The following ARX variants were observed in gnomAD, a reference collection of about 807,000 sequenced individuals.
ARX encodes the protein homeobox protein ARX.
A neutral mutation model predicts 23.1 loss-of-function variants in ARX; 1 was observed. The observed-to-expected ratio is 0.04, with a 90% CI of 0.02 to 0.21. The LOEUF is 0.21. Among genes scored for constraint, ARX ranks in the 10% least tolerant of loss-of-function variants. The probability of loss-of-function intolerance (pLI) is 1.00; values close to 1 mark genes in which losing one functional copy is unlikely to be tolerated. For synonymous variants in ARX, 301 were observed against 270.1 expected, an observed-to-expected ratio of 1.11 and a Z score of -1.12; for missense variants, 380 against 527.5, an observed-to-expected ratio of 0.72 and a Z score of 2.74.
At position 25,013,780 on chromosome X, in the gene ARX, C is replaced by G. The variant is rs1556056580; in HGVS notation, c.215G>C (p.Ser72Thr). 1.9e-5 allele frequency: 18 copies of G among 929,318 alleles called. 1 individual carries two copies. In the Admixed American group the frequency reaches 9.9e-4, roughly 51 times the overall value. 76.6% of individuals were successfully genotyped at this position (929,318 alleles called of 1,213,427 possible). A position where few individuals can be genotyped will look rare whatever the true frequency, so the allele number is the denominator to read the frequency against. Reference protein sequence around the residue: ...KAVQGSPKSSSAPFEAELHLP... With the variant: ...KAVQGSPKSSTAPFEAELHLP... Reference sequence around the variant, plus strand: ...GTGCAGCTCGGCCTCGAACGGGGCGCTGCTGCTCTTAGGGGAGCCTGCGGG... The same window carrying G: ...GTGCAGCTCGGCCTCGAACGGGGCGGTGCTGCTCTTAGGGGAGCCTGCGGG... Residue 72 changes from serine (S) to threonine (T), a missense_variant, in exon 2 of 5, where the codon AGC becomes ACC. By Grantham distance (58) the Ser-to-Thr change is moderately conservative. Coordinates refer to ENST00000379044, the MANE Select transcript of ARX (RefSeq NM_139058.3).
chrX:25,015,912 C>A lies in ARX; in HGVS notation c.-175G>T. 1 of 533,490 alleles carries A rather than the reference C, an allele frequency of 1.9e-6. No individual in the cohort carries two copies. 44.0% of individuals were successfully genotyped at this position (533,490 alleles called of 1,213,427 possible). A position where few individuals can be genotyped will look rare whatever the true frequency, so the allele number is the denominator to read the frequency against. ...TGCCGGCTGCCGGCTCCCGCCCTGC[C>A]CGCGGCCCGAGCTCGCCCTCTCCGC... On this transcript the variant is annotated 5_prime_UTR_variant, in exon 1 of 5. Transcript: ENST00000379044.
rs2048667549 is a variant in ARX at position 25,004,445 on chromosome X, T to C, written c.*225A>G. 1 of 480,012 alleles carries C rather than the reference T, an allele frequency of 2.1e-6. No homozygotes were observed. The highest frequency in any genetic ancestry group is 3.4e-6 in the Non-Finnish European group (1 of 295,161). The allele number at this position is 480,012 out of a possible 1,213,427, so 39.6% of individuals were successfully genotyped here. On this transcript the variant is annotated 3_prime_UTR_variant, in exon 5 of 5. Coordinates refer to ENST00000379044, the MANE Select transcript of ARX (RefSeq NM_139058.3). ...GTTGGAGTTGGAGCGAGGTTGGCAG[T>C]AGCAGGGGCAGGGGCAGGGGCGGGT...
At chrX:25,010,193 C>CCA in intron 3 of ARX, 67 bp downstream of exon 3, 1 of 1,104,490 alleles carries the variant, frequency 9.1e-7, no homozygotes, top group Non-Finnish European at 1.2e-6. Context: ...CGCCACCAAC[C>CCA]CATCTCTCTC....
Position 25,004,841 on chromosome X carries a change from G to A in ARX, c.1518C>T (p.Pro506=). The stretch of plus-strand genomic sequence containing the variant: ...CCGATGCCACTGCGCCCTCCACGGC[G>A]GGTGTGGGCTGTCTCAGGAGCGCGG... ...TAAALLRQPT[P]AVEGAVASGA... The change falls in exon 5 of 5, where the codon CCC becomes CCT. Residue 506 remains proline (P), a synonymous_variant. Coordinates refer to ENST00000379044, the MANE Select transcript of ARX (RefSeq NM_139058.3). The A allele has an allele frequency of 8.6e-7, 1 of 1,168,392 alleles. No individual in the cohort carries two copies. Among genetic ancestry groups the A allele is most frequent in the Non-Finnish European group, 1.1e-6 (1 of 873,762 alleles).
Position 25,015,686 on chromosome X carries a change from T to C in ARX, c.52A>G (p.Ser18Gly). Reference protein sequence around the residue: ...EGCSERPECKSKSPTLLSSYC... With the variant: ...EGCSERPECKGKSPTLLSSYC... ...GAGGAGAGCAAAGTTGGAGATTTAC[T>C]TTTGCACTCGGGCCTCTCGGAGCAG... Residue 18 changes from serine to glycine, a missense_variant, in exon 1 of 5, where the codon AGT (serine) becomes GGT (glycine). By Grantham distance (56) the Ser-to-Gly change is moderately conservative. Coordinates refer to ENST00000379044, the MANE Select transcript of ARX (RefSeq NM_139058.3). The C allele has an allele frequency of 8.3e-7, 1 of 1,206,246 alleles. No homozygotes were observed. The highest frequency in any genetic ancestry group is 2.3e-4 in the Middle Eastern group (1 of 4,347).
Position 25,015,821 on chromosome X carries a change from G to T in ARX, c.-84C>A, listed in dbSNP as rs1297664217. 8 of 985,888 alleles carry T rather than the reference G, an allele frequency of 8.1e-6. No individual in the cohort carries two copies. Among genetic ancestry groups the T allele is most frequent in the Non-Finnish European group, 1.1e-5 (8 of 708,377 alleles). The allele number at this position is 985,888 out of a possible 1,213,427, so 81.2% of individuals were successfully genotyped here. ...TGGGATGGATGGGTGTGTGTTGGGG[G>T]TGGGGTTAGATAGCGGGTTATAACG... On this transcript the variant is annotated 5_prime_UTR_variant, in exon 1 of 5. Transcript: ENST00000379044.
At chrX:25,006,616 G>C (rs1195599870) in intron 4 of ARX, 1 of 111,860 alleles carries the variant, frequency 8.9e-6, no homozygotes, top group Non-Finnish European at 1.9e-5. Flanking sequence ...TGAGTGACAA[G>C]GAAGATGGAG....
intron 4 of ARX, among the ~76,000 whole-genome samples, chrX:25,005,453 A>G (rs1199173348): frequency 8.9e-6 from 1 of 112,430 alleles, no homozygotes; most frequent in Non-Finnish European, 1.9e-5. Context: ...TGCGCCCTGA[A>G]GAAACAGGCC....
intron 1 of ARX, 123 bp downstream of exon 1, chrX:25,015,417 TCA>T: frequency 1.1e-6 from 1 of 900,740 alleles, no homozygotes; most frequent in Non-Finnish European, 1.6e-6. Flanking sequence ...GCAGCAGGCC[TCA>T]GAGTTATGCC....
rs2147320414 is a variant in ARX at position 25,007,230 on chromosome X, G to T, written c.1329C>A (p.Ser443Arg). Residue 443 changes from serine to arginine, a missense_variant, in exon 4 of 5, where the codon AGC becomes AGA. Ser to Arg is a moderately radical substitution (Grantham distance 110, BLOSUM62 -1). This residue lies in a region of ARX where 121 missense variants were observed against 169.7 expected (regional missense o/e 0.71). Transcript: ENST00000379044. ...AAAAAAAAFP[S>R]LPPPPGSASL... ...TGGCCGAGCCCGGAGGCGGAGGTAGGCTCGGGAAGGCGGCGGCGGCGGCGG... is the reference window on the plus strand; with the variant it reads ...TGGCCGAGCCCGGAGGCGGAGGTAGTCTCGGGAAGGCGGCGGCGGCGGCGG... 1.8e-6 allele frequency: 2 copies of T among 1,137,886 alleles called. No homozygotes were observed. The allele number at this position is 1,137,886 out of a possible 1,213,427, so 93.8% of individuals were successfully genotyped here. A position where few individuals can be genotyped will look rare whatever the true frequency, so the allele number is the denominator to read the frequency against.
At chrX:25,014,643 A>G (rs935628603) in intron 1 of ARX, among the ~76,000 whole-genome samples, 2 of 113,257 alleles carry the variant, frequency 1.8e-5, no homozygotes, top group Non-Finnish European at 3.7e-5. Context: ...CTTCCTTTTG[A>G]GGAAGCGCCT....
In ARX at chrX:25,007,481, G is replaced by A. The variant is rs756242196; in HGVS notation, c.1120-42C>T. The A allele has an allele frequency of 3.7e-5, 42 of 1,136,116 alleles. No individual in the cohort carries two copies. In the African/African-American group the frequency reaches 6.5e-4, roughly 18 times the overall value. 93.6% of individuals were successfully genotyped at this position (1,136,116 alleles called of 1,213,427 possible). A position where few individuals can be genotyped will look rare whatever the true frequency, so the allele number is the denominator to read the frequency against. Reference sequence around the variant, plus strand: ...GCCCAGGGTCGGCGCGGCTCGGCCCGGCGGGCGCACCGGGCCCCTACCCGT... The same window carrying A: ...GCCCAGGGTCGGCGCGGCTCGGCCCAGCGGGCGCACCGGGCCCCTACCCGT... On this transcript the variant is annotated intron_variant, in intron 3 of 4. Transcript: ENST00000379044.
intron 2 of ARX, among the ~76,000 whole-genome samples, chrX:25,010,843 C>G (rs766173757): frequency 1.9e-4 from 21 of 110,595 alleles, no homozygotes; most frequent in Non-Finnish European, 3.4e-4. Flanking sequence ...CCCCGCCTTC[C>G]TCCCTCCATC....
At chrX:25,007,562 C>T in intron 3 of ARX, 123 bp from the exon 4 acceptor site, 1 of 903,498 alleles carries the variant, frequency 1.1e-6, no homozygotes, top group Non-Finnish European at 1.5e-6. Context: ...CCCGCGCCCA[C>T]CTGCCCCTCT....
At chrX:25,015,486 A>G (rs1307883777) in intron 1 of ARX, 56 bp downstream of exon 1, 1 of 1,177,008 alleles carries the variant, frequency 8.5e-7, no homozygotes, top group Non-Finnish European at 1.1e-6. Flanking sequence ...CCGAACACCA[A>G]ACATCCAAAT....
chrX:25,014,043 G>A (rs1417822046), intron 1 of ARX, among the ~76,000 whole-genome samples: 1 of 99,992 alleles, frequency 1.0e-5, no homozygotes, highest in Non-Finnish European at 2.0e-5. Context: ...CCTTCTTTCC[G>A]TTCCCTCTCT....
chrX:25,015,335 C>T (rs1033873478), intron 1 of ARX, among the ~76,000 whole-genome samples: 7 of 104,933 alleles, frequency 6.7e-5, no homozygotes, highest in Admixed American at 3.0e-4. Context: ...TAAGCGAAAA[C>T]GGGCCTTTTT....
In ARX at chrX:25,013,178, C is replaced by A; in HGVS notation, c.817G>T (p.Ala273Ser). 1 of 1,187,303 alleles carries A rather than the reference C, an allele frequency of 8.4e-7. No individual in the cohort carries two copies. Among genetic ancestry groups the A allele is most frequent in the Non-Finnish European group, 1.1e-6 (1 of 884,457 alleles). The change falls in exon 2 of 5, where the codon GCC becomes TCC. Residue 273 changes from alanine to serine, a missense_variant. Physicochemically the swap from Ala to Ser is moderately conservative, Grantham distance 99. Around this residue, in one of 3 missense-constraint regions of ARX, gnomAD observed 235 missense variants for 270.2 expected, o/e 0.87. Coordinates refer to ENST00000379044, the MANE Select transcript of ARX (RefSeq NM_139058.3). ...PRRCPVAATG[A>S]VAAAAAAAVA... ...GCAGCGGCAGCTGCTGCGGCCACGG[C>A]GCCAGTGGCGGCCACAGGACAGCGC... is the stretch of plus-strand genomic sequence containing the variant.
At chrX:25,006,361 T>C (rs1201051187) in intron 4 of ARX, among the ~76,000 whole-genome samples, 2 of 112,674 alleles carry the variant, frequency 1.8e-5, no homozygotes, top group Non-Finnish European at 3.8e-5. Flanking sequence ...ATGAATCTAT[T>C]ATTTCTTTGT....
Sources: gnomAD v4.1 joint callset for allele counts (sites outside exome capture counted in the v4.1 genomes callset) on GRCh38, gnomAD v4.1.1 for gene constraint, gnomAD v4.1.1 regional missense constraint, MANE v1.5 for transcripts, NCBI Gene and HGNC (gene_info 2026-07-23, HGNC 2026-07-21) for gene names.